The following TXNDC11 variants were observed in gnomAD, a reference collection of about 807,000 sequenced individuals.
The protein encoded by TXNDC11 is thioredoxin domain containing 11, also known as thioredoxin domain-containing protein 11.
TXNDC11 carries 68 observed loss-of-function variants against 78.0 expected under a neutral mutation model. The observed-to-expected ratio is 0.87, with a 90% CI of 0.72 to 1.07. TXNDC11 has a LOEUF of 1.07. Ranked by LOEUF, TXNDC11 falls within the 50% of genes least tolerant of loss-of-function variation. The pLI, the probability that TXNDC11 is intolerant of heterozygous loss-of-function variation, is 0.00. For missense variants in TXNDC11, 1,389 were observed against 1,221.8 expected (o/e 1.14, Z -2.04); for synonymous variants, 571 against 495.2 (o/e 1.15, Z -2.03).
At chr16:11,708,344 T>C (rs1423145350) in intron 5 of TXNDC11, among the ~76,000 whole-genome samples, 1 of 152,202 alleles carries the variant, frequency 6.6e-6, no homozygotes, top group Non-Finnish European at 1.5e-5. Context: ...TTTAAGAACG[T>C]GTCCCCTTTT....
chr16:11,687,624 G>A (rs1339812719), intron 10 of TXNDC11, among the ~76,000 whole-genome samples: 2 of 152,172 alleles, frequency 1.3e-5, no homozygotes, highest in Admixed American at 6.5e-5. Flanking sequence ...AGCCACCTAC[G>A]AATCTAGTCA....
chr16:11,706,979 T>G (rs1178999386), intron 5 of TXNDC11, among the ~76,000 whole-genome samples: 1 of 152,178 alleles, frequency 6.6e-6, no homozygotes, highest in Non-Finnish European at 1.5e-5. Flanking sequence ...GAGCCAATTT[T>G]CATACAGGCA....
rs202169053 is a variant in TXNDC11 at position 11,698,186 on chromosome 16, G to T, written c.1046C>A (p.Pro349Gln). 1 of 1,614,208 alleles carries T rather than the reference G, an allele frequency of 6.2e-7. No individual in the cohort carries two copies. The highest frequency in any genetic ancestry group is 2.2e-5 in the East Asian group (1 of 44,886). ...LLLNNELKKG[P>Q]ALFLFIPFNP... ...AAAAGGTATGAACAGAAACAGCGCT[G>T]GTCCTTTCTTCAGCTCGTTATTCAG... Residue 349 changes from proline to glutamine, a missense_variant, in exon 7 of 12, where the codon CCA becomes CAA. Pro to Gln is a moderately conservative substitution (Grantham distance 76). Transcript: ENST00000283033.
intron 5 of TXNDC11, among the ~76,000 whole-genome samples, chr16:11,703,136 A>G (rs939042104): frequency 7.9e-5 from 12 of 152,302 alleles, no homozygotes; most frequent in Non-Finnish European, 1.6e-4. Context: ...GGCAAACCCA[A>G]CGTGGAATAC....
At chr16:11,716,883 G>C (rs1368175317) in intron 5 of TXNDC11, among the ~76,000 whole-genome samples, 2 of 151,930 alleles carry the variant, frequency 1.3e-5, no homozygotes, top group African/African-American at 4.8e-5. Flanking sequence ...CAGACCAAAA[G>C]AAATCACAGA....
chr16:11,723,149 T>A (rs115323549), intron 4 of TXNDC11, among the ~76,000 whole-genome samples: 1,549 of 151,020 alleles, frequency 0.01, 26 homozygotes, highest in African/African-American at 0.036. Flanking sequence ...TCCCAAATAC[T>A]CGGAAAGCTG....
intron 3 of TXNDC11, 95 bp downstream of exon 3, chr16:11,733,887 G>T: frequency 1.2e-6 from 1 of 816,534 alleles, no homozygotes; most frequent in Non-Finnish European, 2.0e-6. Flanking sequence ...TTTCTATAGT[G>T]AATATCTAAT....
chr16:11,691,457 T>C lies in TXNDC11; in HGVS notation c.1733A>G (p.Lys578Arg), dbSNP rs1162845978. The C allele has an allele frequency of 6.2e-7, 1 of 1,614,236 alleles. No individual in the cohort carries two copies. Among genetic ancestry groups the C allele is most frequent in the East Asian group, 2.2e-5 (1 of 44,884 alleles). The change falls in exon 8 of 12, where the codon AAG becomes AGG. Residue 578 changes from lysine to arginine, a missense_variant. By Grantham distance (26) the Lys-to-Arg change is conservative. Coordinates refer to ENST00000283033, the MANE Select transcript of TXNDC11 (RefSeq NM_015914.7). Reference protein sequence around the residue: ...NFTGLSCRTNKTLNIYLLDSN... With the variant: ...NFTGLSCRTNRTLNIYLLDSN... ...ATCCAAAAGGTAGATGTTGAGAGTC[T>C]TGTTGGTTCTGCAGCTCAGGCCTGT...
intron 5 of TXNDC11, among the ~76,000 whole-genome samples, chr16:11,709,498 G>A (rs1346086326): frequency 3.0e-5 from 4 of 131,842 alleles, no homozygotes; most frequent in African/African-American, 5.9e-5. Flanking sequence ...GCAGTGGCGC[G>A]ATCTCGGCTC....
chr16:11,696,397 C>G (rs557713548), intron 7 of TXNDC11, among the ~76,000 whole-genome samples: 1 of 152,204 alleles, frequency 6.6e-6, no homozygotes, highest in Non-Finnish European at 1.5e-5. Context: ...TGGGCCTGAT[C>G]GTCCTCTACT....
At chr16:11,714,372 GGCTCACGCCTGTAACTCCA>G (rs2051461072) in intron 5 of TXNDC11, among the ~76,000 whole-genome samples, 1 of 152,158 alleles carries the variant, frequency 6.6e-6, no homozygotes, top group African/African-American at 2.4e-5. Flanking sequence ...CGCGCTCGTT[GGCTCACGCCTGTAACTCCA>G]GCACTTTGGG....
intron 1 of TXNDC11, among the ~76,000 whole-genome samples, chr16:11,740,426 ACT>A (rs2052357951): frequency 6.6e-6 from 1 of 152,180 alleles, no homozygotes; most frequent in Non-Finnish European, 1.5e-5. Flanking sequence ...CATTCTGCCT[ACT>A]CTAGTAACTG....
At chr16:11,684,078 G>C in intron 11 of TXNDC11, 87 bp downstream of exon 11, 1 of 942,202 alleles carries the variant, frequency 1.1e-6, no homozygotes, top group South Asian at 1.4e-5. Flanking sequence ...TGAACATAAT[G>C]AATGATTTAC....
intron 3 of TXNDC11, 142 bp downstream of exon 3, chr16:11,733,840 T>G (rs2052131617): frequency 3.2e-6 from 2 of 624,314 alleles, no homozygotes; most frequent in Admixed American, 3.3e-5. Flanking sequence ...ATCCAGATCT[T>G]TCTTTTTTAA....
chr16:11,703,203 AG>A (rs2051082578), intron 5 of TXNDC11, among the ~76,000 whole-genome samples: 1 of 152,232 alleles, frequency 6.6e-6, no homozygotes, highest in South Asian at 2.1e-4. Flanking sequence ...TGAATGGGAC[AG>A]GAAGAAAGAA....
intron 7 of TXNDC11, among the ~76,000 whole-genome samples, chr16:11,696,601 C>T (rs756963070): frequency 2.6e-5 from 4 of 152,150 alleles, no homozygotes; most frequent in African/African-American, 4.8e-5. Context: ...ATTCATAATA[C>T]GGTGAGATGC....
intron 5 of TXNDC11, among the ~76,000 whole-genome samples, chr16:11,714,303 C>T (rs775677358): frequency 1.3e-5 from 2 of 152,158 alleles, no homozygotes; most frequent in African/African-American, 2.4e-5. Context: ...GGATTACAGG[C>T]GTGAGCCACC....
intron 5 of TXNDC11, among the ~76,000 whole-genome samples, chr16:11,714,463 C>G (rs182828116): frequency 6.6e-6 from 1 of 152,118 alleles, no homozygotes; most frequent in African/African-American, 2.4e-5. Context: ...AACGGTGAAA[C>G]CCCGTCTCTA....
In TXNDC11 at chr16:11,736,049, T is replaced by C; in HGVS notation, c.439A>G (p.Ile147Val). Residue 147 changes from isoleucine to valine, a missense_variant, in exon 2 of 12, where the codon ATT becomes GTT. By Grantham distance (29) the Ile-to-Val change is conservative. Coordinates refer to ENST00000283033, the MANE Select transcript of TXNDC11 (RefSeq NM_015914.7). The part of the protein sequence containing the change: ...CGQSIAARAE[I>V]EQAASRLSDQ... ...GAAAGCCGACTTGCTGCTTGCTCAA[T>C]TTCTGCCCTGGCAGCGATGGACTGT... The C allele has an allele frequency of 6.2e-7, 1 of 1,614,158 alleles. No homozygotes were observed. Among genetic ancestry groups the C allele is most frequent in the Non-Finnish European group, 8.5e-7 (1 of 1,180,034 alleles).
Sources: allele counts gnomAD v4.1 joint callset (sites outside exome capture counted in the v4.1 genomes callset), GRCh38; gene constraint gnomAD v4.1.1; transcripts MANE v1.5; gene names NCBI Gene and HGNC (gene_info 2026-07-23, HGNC 2026-07-21).